TTN: variants seen among roughly 807,000 people sequenced by gnomAD.
TTN encodes the protein connectin.
A neutral mutation model predicts 3,223.0 loss-of-function variants in TTN; 1,525 were observed. The observed-to-expected ratio is 0.47, with a 90% CI of 0.45 to 0.49. The LOEUF (loss-of-function observed/expected upper bound fraction) is 0.49, where lower values mean the gene tolerates loss of function less well. TTN is among the 20% of genes least tolerant of loss of function. TTN has a pLI of 0.00. For synonymous variants in TTN, 14,094 were observed against 15,161.0 expected (o/e 0.93, Z 5.17); for missense variants, 40,786 against 43,424.0 (o/e 0.94, Z 5.40).
chr2:178,558,717 G>T lies in TTN; in HGVS notation c.86822-80C>A. 7.7e-6 allele frequency: 11 copies of T among 1,426,554 alleles called. No homozygotes were observed. In the South Asian group the frequency reaches 1.5e-4, roughly 19 times the overall value. 88.4% of individuals were successfully genotyped at this position (1,426,554 alleles called of 1,614,324 possible). ...GTGCACTCTTCATGTATTGTCAAAA[G>T]AAAACTTTTAAATGAAGGCCATATT... is the stretch of plus-strand genomic sequence containing the variant. On this transcript the variant is annotated intron_variant, in intron 326 of 362. Transcript: ENST00000589042.
chr2:178,685,750 A>G (rs2070690847), intron 127 of TTN, among the ~76,000 whole-genome samples, 152 bp from the exon 128 acceptor site: 1 of 152,206 alleles, frequency 6.6e-6, no homozygotes, highest in Admixed American at 6.5e-5. Flanking sequence ...CTCAAAGAGC[A>G]TTTTAATCAA....
intron 35 of TTN, 33 bp from the exon 36 acceptor site, chr2:178,770,353 G>A (rs950945270): frequency 1.2e-6 from 2 of 1,614,092 alleles, no homozygotes; most frequent in Non-Finnish European, 1.7e-6. Flanking sequence ...TCAGTGATAG[G>A]GTTAACTTAA....
At chr2:178,675,367 T>C (rs1314571708) in intron 149 of TTN, 1 of 388,946 alleles carries the variant, frequency 2.6e-6, no homozygotes, top group Non-Finnish European at 4.5e-6. Context: ...GTCTTTTTTT[T>C]TTTTGTAGGA....
chr2:178,705,789 T>C (rs1209718639), intron 102 of TTN, among the ~76,000 whole-genome samples: 1 of 152,174 alleles, frequency 6.6e-6, no homozygotes, highest in African/African-American at 2.4e-5. Flanking sequence ...AAATGAACCA[T>C]ATTGAAATGA....
rs557313067 is a variant in TTN, at chr2:178,541,628, G to A, written c.97493-44C>T. On this transcript the variant is annotated intron_variant, in intron 349 of 362. Transcript: ENST00000589042. ...TAACACGATATGGCAATATGAATACGTTAAAACAATGACTCATATATTTGT... is the reference window on the plus strand; with the variant it reads ...TAACACGATATGGCAATATGAATACATTAAAACAATGACTCATATATTTGT... 1.6e-5 allele frequency: 24 copies of A among 1,503,376 alleles called. No individual in the cohort carries two copies. In the East Asian group the frequency reaches 2.9e-4, roughly 18 times the overall value. 93.1% of individuals were successfully genotyped at this position (1,503,376 alleles called of 1,614,324 possible).
chr2:178,608,681 G>A lies in TTN; in HGVS notation c.52330C>T (p.Arg17444Cys), dbSNP rs778094750. The part of the protein sequence containing the change: ...KLIEGKEYLF[R>C]VRAENRFGPG... The stretch of plus-strand genomic sequence containing the variant: ...CCAAATCTGTTTTCAGCTCTTACAC[G>A]GAAGAGGTACTCTTTTCCTTCAATC... The change falls in exon 274 of 363, where the codon CGT becomes TGT. Residue 17444 changes from arginine (R) to cysteine (C), a missense_variant. Coordinates refer to ENST00000589042, the MANE Select transcript of TTN (RefSeq NM_001267550.2). 7.4e-6 allele frequency: 12 copies of A among 1,612,136 alleles called. No homozygotes were observed. Among genetic ancestry groups the A allele is most frequent in the South Asian group, 1.1e-5 (1 of 90,964 alleles).
chr2:178,635,119 G>A (rs182895697), intron 228 of TTN, 46 bp downstream of exon 228: 2 of 1,602,528 alleles, frequency 1.2e-6, no homozygotes, highest in East Asian at 2.2e-5. Context: ...AATATTGGAT[G>A]TGGTTATTTT....
At position 178,527,504 on chromosome 2, in the gene TTN, T is replaced by A. The variant is rs757822364; in HGVS notation, c.107622A>T (p.Ile35874=). The part of the protein sequence containing the change: ...VEMSSSSFMG[I]SNMTQLESST... ...AGCTTTCCAGTTGTGTCATATTAGATATTCCCATAAAGCTGCTGGAACTCA... is the reference window on the plus strand; with the variant it reads ...AGCTTTCCAGTTGTGTCATATTAGAAATTCCCATAAAGCTGCTGGAACTCA... The change falls in exon 362 of 363, where the codon ATA becomes ATT. Residue 35874 remains isoleucine, a synonymous_variant. Coordinates refer to ENST00000589042, the MANE Select transcript of TTN (RefSeq NM_001267550.2). The A allele has an allele frequency of 6.2e-7, 1 of 1,614,040 alleles. No individual in the cohort carries two copies. Among genetic ancestry groups the A allele is most frequent in the Non-Finnish European group, 8.5e-7 (1 of 1,179,888 alleles).
rs778911890 is a variant in TTN, at chr2:178,693,673, C to A, written c.31530G>T (p.Lys10510Asn). ...GAATTTTCTCTTCAGTAACAATTTC[C>A]TTTTGTACCTCGGGGACTTAAAAAA... ...EVSVTVPEVQ[K>N]EIVTEEKIHV... Residue 10510 changes from lysine (K) to asparagine (N), a missense_variant, in exon 119 of 363, where the codon AAG becomes AAT. Coordinates refer to ENST00000589042, the MANE Select transcript of TTN (RefSeq NM_001267550.2). 6.3e-7 allele frequency: 1 copy of A among 1,598,380 alleles called. No individual in the cohort carries two copies. Among genetic ancestry groups the A allele is most frequent in the Non-Finnish European group, 8.6e-7 (1 of 1,169,312 alleles).
At chr2:178,596,037 C>G (rs537718680) in intron 294 of TTN, among the ~76,000 whole-genome samples, 1 of 140,292 alleles carries the variant, frequency 7.1e-6, no homozygotes, top group Non-Finnish European at 1.5e-5. Context: ...GTCACCCAGG[C>G]TGGAGTTCAG....
At chr2:178,698,941 A>G (rs916592721) in intron 111 of TTN, 27 bp from the exon 112 acceptor site, 1 of 1,484,732 alleles carries the variant, frequency 6.7e-7, no homozygotes, top group Non-Finnish European at 8.9e-7. Flanking sequence ...AGAAAAAAAA[A>G]GAAAAAATAT....
At chr2:178,690,199 T>C (rs2072022421) in intron 121 of TTN, among the ~76,000 whole-genome samples, 1 of 152,158 alleles carries the variant, frequency 6.6e-6, no homozygotes, top group African/African-American at 2.4e-5. Flanking sequence ...ACACAAACAA[T>C]CAAGAATGTG....
At chr2:178,619,071 A>G in intron 250 of TTN, 1 of 615,120 alleles carries the variant, frequency 1.6e-6, no homozygotes, top group Non-Finnish European at 2.7e-6. Flanking sequence ...TGAGAATGGC[A>G]TAAAATCATA....
Position 178,634,687 on chromosome 2 carries a change from G to A in TTN, c.42151+36C>T, listed in dbSNP as rs567112379. 9.1e-5 allele frequency: 146 copies of A among 1,612,124 alleles called. 2 individuals are homozygous for A. The Middle Eastern group carries it at 2.2e-3, about 24-fold the overall frequency. Reference sequence around the variant, plus strand: ...AGAATGCACAGGGAAGTGAAATAAAGTTGAGACCCCTCCCCAAATTCTAAA... The same window carrying A: ...AGAATGCACAGGGAAGTGAAATAAAATTGAGACCCCTCCCCAAATTCTAAA... On this transcript the variant is annotated intron_variant, in intron 229 of 362. Coordinates refer to ENST00000589042, the MANE Select transcript of TTN (RefSeq NM_001267550.2). This position sits in a 1 kb window ranked among gnomAD's most constrained non-coding sequence, Gnocchi z 4.6.
At position 178,570,509 on chromosome 2, in the gene TTN, G is replaced by T. The variant is rs549335677; in HGVS notation, c.75623C>A (p.Pro25208His). ...NVKVLDRPGP[P>H]EGPVVISGVT... ...TCCTGAGATAACAACAGGTCCTTCA[G>T]GTGGCCCTGGTCTGTCAAGAACCTT... Residue 25208 changes from proline to histidine, a missense_variant, in exon 326 of 363, where the codon CCT becomes CAT. By Grantham distance (77) the Pro-to-His change is moderately conservative. Transcript: ENST00000589042. The T allele has an allele frequency of 6.2e-7, 1 of 1,613,256 alleles. No homozygotes were observed. Among genetic ancestry groups the T allele is most frequent in the African/African-American group, 1.3e-5 (1 of 74,984 alleles).
In TTN at chr2:178,624,581, A is replaced by G. The variant is rs1237236347; in HGVS notation, c.44699T>C (p.Ile14900Thr). 1.2e-6 allele frequency: 2 copies of G among 1,612,700 alleles called. No individual in the cohort carries two copies. Among genetic ancestry groups the G allele is most frequent in the East Asian group, 4.5e-5 (2 of 44,690 alleles). ...TTTTCTGACCCTGCCATCAGCAACAATTTCATACTTCTTGCTTTTGAGGAT... is the reference window on the plus strand; with the variant it reads ...TTTTCTGACCCTGCCATCAGCAACAGTTTCATACTTCTTGCTTTTGAGGAT... ...TEILKSKKYEIVADGRVRKLV... is the reference protein window; with the variant it reads ...TEILKSKKYETVADGRVRKLV... The change falls in exon 242 of 363, where the codon ATT becomes ACT. Residue 14900 changes from isoleucine (I) to threonine (T), a missense_variant. Physicochemically the swap from Ile to Thr is moderately conservative, Grantham distance 89. Coordinates refer to ENST00000589042, the MANE Select transcript of TTN (RefSeq NM_001267550.2).
In TTN at chr2:178,547,646, A is replaced by G. The variant is rs998693629; in HGVS notation, c.93980T>C (p.Val31327Ala). 3.1e-6 allele frequency: 5 copies of G among 1,613,764 alleles called. No homozygotes were observed. Among genetic ancestry groups the G allele is most frequent in the African/African-American group, 2.7e-5 (2 of 74,918 alleles). ...ATCTTTAGGTTCTCCCCATGACAGG[A>G]CACACGATTCAGCTGAGACAGATGA... ...EVSSVSAESC[V>A]LSWGEPKDGG... Residue 31327 changes from valine to alanine, a missense_variant, in exon 339 of 363, where the codon GTC becomes GCC. Val to Ala is a moderately conservative substitution (Grantham distance 64). Transcript: ENST00000589042.
At position 178,574,982 on chromosome 2, in the gene TTN, T is replaced by A; in HGVS notation, c.71150A>T (p.Asp23717Val). 1 of 1,613,322 alleles carries A rather than the reference T, an allele frequency of 6.2e-7. No individual in the cohort carries two copies. The highest frequency in any genetic ancestry group is 1.1e-5 in the South Asian group (1 of 91,060). ...ATCATGGACTTGAATGGTGATGACA[T>A]CACCAACCTCTCCTACAATGTTCCT... is the stretch of plus-strand genomic sequence containing the variant. Reference protein sequence around the residue: ...TARNIVGEVGDVITIQVHDIP... With the variant: ...TARNIVGEVGVVITIQVHDIP... The change falls in exon 326 of 363, where the codon GAT (aspartate) becomes GTT (valine). Residue 23717 changes from aspartate (D) to valine (V), a missense_variant. By Grantham distance (152) the Asp-to-Val change is radical. Coordinates refer to ENST00000589042, the MANE Select transcript of TTN (RefSeq NM_001267550.2).
rs879023017 is a variant in TTN, at chr2:178,621,295, G to A, written c.45423C>T (p.Cys15141=). ...CTGGAAAGCTTTCTTTTGATATAGA[G>A]CAGACAAATTCAGCCTTTTCTCCTT... is the stretch of plus-strand genomic sequence containing the variant. ...ILEGEKAEFV[C]SISKESFPVQ... is the part of the protein sequence containing the mutation. The change falls in exon 246 of 363, where the codon TGC becomes TGT. Residue 15141 remains cysteine, a synonymous_variant. Transcript: ENST00000589042. 7 of 1,612,028 alleles carry A rather than the reference G, an allele frequency of 4.3e-6. No homozygotes were observed. Among genetic ancestry groups the A allele is most frequent in the South Asian group, 1.1e-5 (1 of 90,998 alleles).
Sources: allele counts gnomAD v4.1 joint callset (sites outside exome capture counted in the v4.1 genomes callset), GRCh38; gene constraint gnomAD v4.1.1; non-coding constraint Gnocchi (gnomAD v3.1); transcripts MANE v1.5; gene names NCBI Gene and HGNC (gene_info 2026-07-23, HGNC 2026-07-21).